SOX5: variants seen among roughly 807,000 people sequenced by gnomAD.
The protein encoded by SOX5 is transcription factor SOX-5.
SOX5 carries 9 observed loss-of-function variants against 92.0 expected under a neutral mutation model. That is an observed-to-expected ratio of 0.10 (90% CI 0.06 to 0.17). The LOEUF (loss-of-function observed/expected upper bound fraction) is 0.17, where lower values mean the gene tolerates loss of function less well. SOX5 is among the 10% of genes least tolerant of loss of function. The pLI is 1.00. For missense variants in SOX5, 642 were observed against 944.5 expected (o/e 0.68, Z 4.20); for synonymous variants, 344 against 336.3 (o/e 1.02, Z -0.25).
At chr12:24,280,854 T>C (rs1328351415) in intron 2 of SOX5, among the ~76,000 whole-genome samples, 1 of 151,934 alleles carries the variant, frequency 6.6e-6, no homozygotes, top group Admixed American at 6.6e-5. Context: ...GCATAATACA[T>C]TGGTAACTTT....
intron 1 of SOX5, among the ~76,000 whole-genome samples, chr12:24,478,921 A>G (rs529588295): frequency 3.9e-5 from 6 of 152,360 alleles, no homozygotes; most frequent in African/African-American, 1.4e-4. Flanking sequence ...AATCTTCAAC[A>G]TCATTCAAAT....
intron 1 of SOX5, among the ~76,000 whole-genome samples, chr12:24,537,286 G>A (rs558198417): frequency 6.6e-6 from 1 of 152,060 alleles, no homozygotes; most frequent in South Asian, 2.1e-4. Context: ...TTTTACAGGG[G>A]GTTTAGCAGA....
chr12:24,129,887 A>G (rs556069999), intron 4 of SOX5, among the ~76,000 whole-genome samples: 9 of 152,142 alleles, frequency 5.9e-5, no homozygotes, highest in Non-Finnish European at 1.2e-4. Context: ...CATTTGTTTT[A>G]TTTTCTTTTA....
intron 1 of SOX5, among the ~76,000 whole-genome samples, chr12:24,456,062 C>G (rs1328721447): frequency 2.0e-5 from 3 of 152,172 alleles, no homozygotes; most frequent in African/African-American, 7.2e-5. Context: ...GGTGTTAATC[C>G]TGAGAGCACT....
intron 3 of SOX5, among the ~76,000 whole-genome samples, chr12:24,234,527 A>C (rs1964058148): frequency 6.6e-6 from 1 of 151,988 alleles, no homozygotes; most frequent in African/African-American, 2.4e-5. Flanking sequence ...ACAGGTGTGC[A>C]CCACCACGCC....
At chr12:23,820,574 T>C (rs1055840298) in intron 3 of SOX5, among the ~76,000 whole-genome samples, 7 of 152,234 alleles carry the variant, frequency 4.6e-5, no homozygotes, top group Non-Finnish European at 8.8e-5. Flanking sequence ...GTTTAAATCT[T>C]TAATCCATCT....
chr12:24,080,960 T>C (rs1416962690), intron 4 of SOX5, among the ~76,000 whole-genome samples: 1 of 151,980 alleles, frequency 6.6e-6, no homozygotes, highest in East Asian at 1.9e-4. Context: ...TCCATGTACT[T>C]GCACTTATGT....
intron 2 of SOX5, among the ~76,000 whole-genome samples, chr12:24,351,624 T>C (rs995521478): frequency 6.6e-6 from 1 of 152,188 alleles, no homozygotes; most frequent in Non-Finnish European, 1.5e-5. Flanking sequence ...TAATGTCAAC[T>C]GAATGAACAC....
At chr12:23,810,573 G>A (rs2095859460) in intron 3 of SOX5, among the ~76,000 whole-genome samples, 1 of 152,168 alleles carries the variant, frequency 6.6e-6, no homozygotes, top group South Asian at 2.1e-4. Context: ...CATTCGACAA[G>A]GTAGGCCAAA....
At chr12:24,189,167 C>T (rs7132541) in intron 4 of SOX5, among the ~76,000 whole-genome samples, 60,718 of 151,954 alleles carry the variant, frequency 0.4, 12,685 homozygotes, top group Non-Finnish European at 0.47. Context: ...GCTGTTAGAA[C>T]TTGAATGTCT....
chr12:24,202,232 T>C (rs1003984073), intron 4 of SOX5, among the ~76,000 whole-genome samples: 21 of 152,230 alleles, frequency 1.4e-4, no homozygotes, highest in Admixed American at 3.9e-4. Context: ...AATTCTCCTT[T>C]CTTCCTAGAG....
chr12:23,550,597 G>A (rs1318719691), intron 11 of SOX5, among the ~76,000 whole-genome samples: 1 of 151,628 alleles, frequency 6.6e-6, no homozygotes, highest in Non-Finnish European at 1.5e-5. Flanking sequence ...ACTAAAAAAG[G>A]GAATTTTAGT....
intron 8 of SOX5, among the ~76,000 whole-genome samples, chr12:23,613,335 G>C (rs978200130): frequency 6.9e-6 from 1 of 144,268 alleles, no homozygotes; most frequent in African/African-American, 2.5e-5. Context: ...TATCAAAAGA[G>C]AAAAAAAAAA....
intron 1 of SOX5, among the ~76,000 whole-genome samples, chr12:24,413,199 A>C (rs991032977): frequency 2.6e-5 from 4 of 152,230 alleles, no homozygotes; most frequent in African/African-American, 9.6e-5. Context: ...CTTTCAATTT[A>C]ATCAGTTTTG....
chr12:24,226,277 AT>A (rs1157722118), intron 3 of SOX5, among the ~76,000 whole-genome samples: 1 of 152,124 alleles, frequency 6.6e-6, no homozygotes, highest in African/African-American at 2.4e-5. Flanking sequence ...TATTTTCTTG[AT>A]TAAGGCTTAT....
At chr12:24,160,751 C>T (rs1002184446) in intron 4 of SOX5, among the ~76,000 whole-genome samples, 1 of 151,928 alleles carries the variant, frequency 6.6e-6, no homozygotes, top group African/African-American at 2.4e-5. Context: ...CTGAACTGAC[C>T]ACACATCAAC....
intron 4 of SOX5, among the ~76,000 whole-genome samples, chr12:24,003,008 A>ATC (rs1372877232): frequency 2.6e-5 from 4 of 152,150 alleles, no homozygotes; most frequent in Non-Finnish European, 1.5e-5. Flanking sequence ...TTGGTTTAAT[A>ATC]TCTCTTCATC....
chr12:23,600,920 C>G (rs1210912232), intron 9 of SOX5, among the ~76,000 whole-genome samples: 1 of 152,078 alleles, frequency 6.6e-6, no homozygotes, highest in African/African-American at 2.4e-5. Context: ...ATTCTCCTCT[C>G]TCTGGTGCTG....
intron 4 of SOX5, among the ~76,000 whole-genome samples, chr12:23,978,725 G>A (rs565183395): frequency 6.6e-6 from 1 of 151,806 alleles, no homozygotes; most frequent in African/African-American, 2.4e-5. Context: ...GATGTCATTC[G>A]TTTGTCTGAA....
Sources: allele counts gnomAD v4.1 joint callset (sites outside exome capture counted in the v4.1 genomes callset), GRCh38; gene constraint gnomAD v4.1.1; transcripts MANE v1.5; gene names NCBI Gene and HGNC (gene_info 2026-07-23, HGNC 2026-07-21).